LCLAT1: variants seen among roughly 807,000 people sequenced by gnomAD.
The protein encoded by LCLAT1 is lysocardiolipin acyltransferase 1, also known as 1-AGP acyltransferase 8.
In LCLAT1, 11 loss-of-function variants were observed where a neutral mutation model predicts 30.7. The observed-to-expected ratio is 0.36, with a 90% CI of 0.23 to 0.59. The LOEUF is 0.59. LCLAT1 is among the 20% of genes least tolerant of loss of function. The pLI, the probability that LCLAT1 is intolerant of heterozygous loss-of-function variation, is 0.77. For missense variants in LCLAT1, 402 were observed against 458.6 expected, an observed-to-expected ratio of 0.88 and a Z score of 1.13; for synonymous variants, 155 against 151.3, an observed-to-expected ratio of 1.02 and a Z score of -0.18.
At chr2:30,514,623 G>A (rs1685099387) in intron 1 of LCLAT1, among the ~76,000 whole-genome samples, 1 of 152,146 alleles carries the variant, frequency 6.6e-6, no homozygotes, top group African/African-American at 2.4e-5. Flanking sequence ...TGTTAGTAGA[G>A]GCCCCAGAGA....
chr2:30,640,331 T>C lies in LCLAT1; in HGVS notation c.843T>C (p.Tyr281=). 6.2e-7 allele frequency: 1 copy of C among 1,614,220 alleles called. No homozygotes were observed. ...EEKEERLRSF[Y]QGEKNFYFTG... ...AAGAAGAGAGGCTGCGTTCCTTCTA[T>C]CAAGGGGAGAAGAATTTTTATTTTA... Residue 281 remains tyrosine, a synonymous_variant, in exon 6 of 6, where the codon TAT becomes TAC. Coordinates refer to ENST00000379509, the MANE Select transcript of LCLAT1 (RefSeq NM_001002257.3).
At chr2:30,623,810 T>C (rs960074068) in intron 5 of LCLAT1, among the ~76,000 whole-genome samples, 6 of 152,140 alleles carry the variant, frequency 3.9e-5, no homozygotes, top group Non-Finnish European at 7.4e-5. Flanking sequence ...CACATAGTCA[T>C]CAGGTTATCT....
intron 1 of LCLAT1, among the ~76,000 whole-genome samples, chr2:30,501,956 T>A (rs1206278635): frequency 6.6e-6 from 1 of 152,246 alleles, no homozygotes; most frequent in African/African-American, 2.4e-5. Flanking sequence ...AGTGATGGAC[T>A]TTTGTCCAGT....
intron 5 of LCLAT1, among the ~76,000 whole-genome samples, chr2:30,635,084 T>A (rs993601098): frequency 6.6e-6 from 1 of 152,144 alleles, no homozygotes; most frequent in Admixed American, 6.5e-5. Flanking sequence ...TTGGAGATAT[T>A]TACTTAATAT....
intron 1 of LCLAT1, among the ~76,000 whole-genome samples, chr2:30,471,957 C>G (rs1682816748): frequency 6.6e-6 from 1 of 152,136 alleles, no homozygotes; most frequent in Non-Finnish European, 1.5e-5. Context: ...AGGGGGAAAG[C>G]TTGTAGTCAC....
At chr2:30,598,579 T>G (rs374964114) in intron 5 of LCLAT1, among the ~76,000 whole-genome samples, 217 of 152,148 alleles carry the variant, frequency 1.4e-3, no homozygotes, top group African/African-American at 5.1e-3. Flanking sequence ...TTTTATTAAC[T>G]TTTTCAAAAA....
At chr2:30,470,535 T>G (rs1359327778) in intron 1 of LCLAT1, among the ~76,000 whole-genome samples, 3 of 152,228 alleles carry the variant, frequency 2.0e-5, no homozygotes, top group African/African-American at 7.2e-5. Context: ...CATAGTTGGC[T>G]TGGCCTATGT....
chr2:30,560,835 C>A (rs1042143664), intron 3 of LCLAT1, among the ~76,000 whole-genome samples: 4 of 152,146 alleles, frequency 2.6e-5, no homozygotes, highest in Admixed American at 2.0e-4. Context: ...TCATGGATAT[C>A]CAAGAGGTGG....
At chr2:30,582,604 A>G (rs886362706) in intron 5 of LCLAT1, among the ~76,000 whole-genome samples, 1 of 152,246 alleles carries the variant, frequency 6.6e-6, no homozygotes, top group Admixed American at 6.5e-5. Context: ...AAATGCCATA[A>G]TGTATCATAA....
chr2:30,507,704 G>T lies in LCLAT1; in HGVS notation c.-4-17883G>T, dbSNP rs1171709591. ...ATTTGTACCACATTTTCTTTATCCA[G>T]TCTACCATTGATGGGCATTTAGGTT... On this transcript the variant is annotated intron_variant, in intron 1 of 5. Coordinates refer to ENST00000379509, the MANE Select transcript of LCLAT1 (RefSeq NM_001002257.3). Among the ~76,000 whole-genome samples the T allele has an allele frequency of 2.6e-5, 4 of 152,118 alleles. No homozygotes were observed. The East Asian group carries it at 7.7e-4, about 29-fold the overall frequency.
chr2:30,636,767 G>T (rs1178279240), intron 5 of LCLAT1, among the ~76,000 whole-genome samples: 1 of 152,184 alleles, frequency 6.6e-6, no homozygotes, highest in East Asian at 1.9e-4. Context: ...ATACCAATTT[G>T]TAAAAACACA....
chr2:30,563,402 C>A (rs1665331712), intron 4 of LCLAT1, among the ~76,000 whole-genome samples: 1 of 152,148 alleles, frequency 6.6e-6, no homozygotes. Flanking sequence ...CTGGTTGATA[C>A]TGGGAGGGGT....
At chr2:30,591,926 A>G (rs574685780) in intron 5 of LCLAT1, among the ~76,000 whole-genome samples, 2 of 152,052 alleles carry the variant, frequency 1.3e-5, no homozygotes, top group Non-Finnish European at 2.9e-5. Flanking sequence ...GAATGTTCCT[A>G]TATCTTCTAC....
At chr2:30,625,895 A>G (rs1464404861) in intron 5 of LCLAT1, among the ~76,000 whole-genome samples, 2 of 152,210 alleles carry the variant, frequency 1.3e-5, no homozygotes, top group Admixed American at 1.3e-4. Flanking sequence ...CTGCAAGTAT[A>G]AAAGAAAGAT....
chr2:30,453,616 G>A (rs1343496286), intron 1 of LCLAT1, among the ~76,000 whole-genome samples: 2 of 152,216 alleles, frequency 1.3e-5, no homozygotes, highest in Non-Finnish European at 2.9e-5. Context: ...GATGGGGACA[G>A]AGTTAAATAA....
At chr2:30,631,208 T>G (rs1212564350) in intron 5 of LCLAT1, among the ~76,000 whole-genome samples, 1 of 152,190 alleles carries the variant, frequency 6.6e-6, no homozygotes, top group Non-Finnish European at 1.5e-5. Context: ...TGGTGTCAGC[T>G]GTATGTGGTT....
chr2:30,539,543 A>G (rs1472915291), intron 3 of LCLAT1, among the ~76,000 whole-genome samples: 2 of 152,060 alleles, frequency 1.3e-5, no homozygotes, highest in African/African-American at 2.4e-5. Context: ...TCTATCTTCA[A>G]CTTATTTAAG....
chr2:30,487,066 C>G (rs1371840401), intron 1 of LCLAT1, among the ~76,000 whole-genome samples: 1 of 152,144 alleles, frequency 6.6e-6, no homozygotes, highest in African/African-American at 2.4e-5. Flanking sequence ...TGTTAACTCA[C>G]ATTTTTAAGA....
intron 5 of LCLAT1, among the ~76,000 whole-genome samples, chr2:30,608,300 CA>C (rs534141767): frequency 0.024 from 2,545 of 108,086 alleles, 61 homozygotes; most frequent in African/African-American, 0.066. Context: ...GACTCCATCT[CA>C]AAAAAAAAAA....
Sources: allele counts gnomAD v4.1 joint callset (sites outside exome capture counted in the v4.1 genomes callset), GRCh38; gene constraint gnomAD v4.1.1; transcripts MANE v1.5; gene names NCBI Gene and HGNC (gene_info 2026-07-23, HGNC 2026-07-21).